The following FOXP1 variants were observed in gnomAD, a reference collection of about 807,000 sequenced individuals.
The protein encoded by FOXP1 is forkhead box P1.
Under a neutral mutation model 98.2 loss-of-function variants are expected in FOXP1, and 15 were observed. That is an observed-to-expected ratio of 0.15 (90% CI 0.10 to 0.24). FOXP1 has a LOEUF of 0.24. FOXP1 is among the 10% of genes least tolerant of loss of function. The probability of loss-of-function intolerance (pLI) is 1.00; values close to 1 mark genes in which losing one functional copy is unlikely to be tolerated. For missense variants in FOXP1, 633 were observed against 848.5 expected (o/e 0.75, Z 3.15); for synonymous variants, 371 against 314.5 (o/e 1.18, Z -1.90).
intron 5 of FOXP1, among the ~76,000 whole-genome samples, chr3:71,280,632 C>CT (rs554539344): frequency 3.8e-3 from 560 of 148,968 alleles, no homozygotes; most frequent in Non-Finnish European, 5.4e-3. Flanking sequence ...CCTACAATAT[C>CT]TTTTTTTTTT....
intron 6 of FOXP1, among the ~76,000 whole-genome samples, chr3:71,132,241 G>C (rs1370919248): frequency 6.6e-6 from 1 of 152,150 alleles, no homozygotes; most frequent in Non-Finnish European, 1.5e-5. Flanking sequence ...GTTCGAGATG[G>C]GGCTAGAGAG....
intron 3 of FOXP1, among the ~76,000 whole-genome samples, chr3:71,379,098 T>A (rs538401369): frequency 6.6e-6 from 1 of 152,146 alleles, no homozygotes; most frequent in Non-Finnish European, 1.5e-5. Context: ...TCATTACTGA[T>A]CTTGGTGGTT....
At chr3:71,547,379 T>G (rs1032800639) in intron 2 of FOXP1, among the ~76,000 whole-genome samples, 8 of 152,176 alleles carry the variant, frequency 5.3e-5, no homozygotes, top group African/African-American at 1.7e-4. Context: ...AAAGGAGGGC[T>G]TGGCAGGTAA....
chr3:71,208,714 A>T (rs1249529840), intron 5 of FOXP1, among the ~76,000 whole-genome samples: 1 of 152,194 alleles, frequency 6.6e-6, no homozygotes. Flanking sequence ...GAGCAATTTA[A>T]CATTAACCAG....
At chr3:71,423,648 C>T (rs1242773167) in intron 3 of FOXP1, among the ~76,000 whole-genome samples, 1 of 152,228 alleles carries the variant, frequency 6.6e-6, no homozygotes, top group Admixed American at 6.5e-5. Context: ...AGGTAGCTGG[C>T]CATGGGGCCA....
At chr3:71,246,013 C>T (rs1425498823) in intron 5 of FOXP1, among the ~76,000 whole-genome samples, 4 of 151,012 alleles carry the variant, frequency 2.6e-5, no homozygotes, top group African/African-American at 7.3e-5. Flanking sequence ...CCCCCCACCA[C>T]AAAGCAGTGA....
intron 3 of FOXP1, among the ~76,000 whole-genome samples, chr3:71,458,935 G>A (rs553355648): frequency 2.0e-5 from 3 of 152,152 alleles, no homozygotes; most frequent in African/African-American, 7.2e-5. Context: ...TTTTACTGTA[G>A]GAACATTATT....
intron 11 of FOXP1, among the ~76,000 whole-genome samples, chr3:71,023,155 C>T (rs559991309): frequency 2.2e-4 from 34 of 152,264 alleles, no homozygotes; most frequent in African/African-American, 7.2e-4. Flanking sequence ...TTATGAACTC[C>T]GACCCTGAGA....
At chr3:71,048,431 T>C (rs1204465194) in intron 9 of FOXP1, among the ~76,000 whole-genome samples, 1 of 152,240 alleles carries the variant, frequency 6.6e-6, no homozygotes, top group Non-Finnish European at 1.5e-5. Context: ...TAGTTTATTT[T>C]ACAGTAAAAA....
At chr3:71,227,486 A>G (rs188402313) in intron 5 of FOXP1, among the ~76,000 whole-genome samples, 4 of 152,326 alleles carry the variant, frequency 2.6e-5, no homozygotes, top group African/African-American at 9.6e-5. Context: ...CTAACGGTCT[A>G]TTGAGTTCTC....
intron 6 of FOXP1, among the ~76,000 whole-genome samples, chr3:71,179,700 T>C (rs1030716968): frequency 5.3e-5 from 8 of 152,178 alleles, no homozygotes; most frequent in African/African-American, 1.9e-4. Flanking sequence ...AGAATACAAA[T>C]ACATAAAATG....
intron 3 of FOXP1, among the ~76,000 whole-genome samples, chr3:71,461,047 T>C (rs1284978417): frequency 2.0e-5 from 3 of 152,230 alleles, no homozygotes; most frequent in African/African-American, 7.2e-5. Flanking sequence ...CCTAAATTCT[T>C]AGACGTTTTT....
At chr3:71,354,194 G>A (rs939404330) in intron 4 of FOXP1, among the ~76,000 whole-genome samples, 25 of 150,502 alleles carry the variant, frequency 1.7e-4, no homozygotes, top group African/African-American at 3.4e-4. Flanking sequence ...CAGGAGAATC[G>A]CTTGAACCCA....
At chr3:71,336,158 AAGAC>A (rs2076666028) in intron 4 of FOXP1, among the ~76,000 whole-genome samples, 1 of 152,154 alleles carries the variant, frequency 6.6e-6, no homozygotes, top group Non-Finnish European at 1.5e-5. Flanking sequence ...ACACTCATGA[AAGAC>A]AGACAATTTG....
chr3:71,391,722 C>G (rs2081049475), intron 3 of FOXP1, among the ~76,000 whole-genome samples: 1 of 152,180 alleles, frequency 6.6e-6, no homozygotes, highest in Non-Finnish European at 1.5e-5. Flanking sequence ...TCAACATTTT[C>G]CTTGTTGGCA....
Position 71,565,998 on chromosome 3 carries a change from C to T in FOXP1, c.-298+15551G>A, listed in dbSNP as rs1309064839. Among the ~76,000 whole-genome samples the T allele has an allele frequency of 2.6e-5, 4 of 152,304 alleles. No individual in the cohort carries two copies. In the South Asian group the frequency reaches 8.3e-4, roughly 32 times the overall value. On this transcript the variant is annotated intron_variant, in intron 2 of 20. Transcript: ENST00000649528. ...TAAATGAACACAGATCCATGTGTTA[C>T]TTCCACAATGGCCAAGGAAACAACC... is the stretch of plus-strand genomic sequence containing the variant.
At chr3:71,177,455 G>C (rs944278190) in intron 6 of FOXP1, among the ~76,000 whole-genome samples, 20 of 152,166 alleles carry the variant, frequency 1.3e-4, no homozygotes, top group Non-Finnish European at 2.4e-4. Flanking sequence ...AATGGGGAAG[G>C]AGAGCAGGCA....
At chr3:71,486,820 A>C (rs1186805566) in intron 3 of FOXP1, among the ~76,000 whole-genome samples, 1 of 152,208 alleles carries the variant, frequency 6.6e-6, no homozygotes. Context: ...CAAAAACAAC[A>C]TGCAATGGAG....
chr3:71,055,913 T>C (rs2050567655), intron 7 of FOXP1, among the ~76,000 whole-genome samples: 1 of 152,198 alleles, frequency 6.6e-6, no homozygotes, highest in Non-Finnish European at 1.5e-5. Context: ...CAGACAGGAA[T>C]AGGGTGGTGT....
Sources: allele counts gnomAD v4.1 joint callset (sites outside exome capture counted in the v4.1 genomes callset), GRCh38; gene constraint gnomAD v4.1.1; transcripts MANE v1.5; gene names NCBI Gene and HGNC (gene_info 2026-07-23, HGNC 2026-07-21).